PTPRN2: variants seen among roughly 807,000 people sequenced by gnomAD.
The protein encoded by PTPRN2 is receptor-type tyrosine-protein phosphatase N2.
In PTPRN2, 74 loss-of-function variants were observed where a neutral mutation model predicts 118.8. That is an observed-to-expected ratio of 0.62 (90% CI 0.52 to 0.76). The LOEUF (loss-of-function observed/expected upper bound fraction) is 0.76, where lower values mean the gene tolerates loss of function less well. Ranked by LOEUF, PTPRN2 falls within the 30% of genes least tolerant of loss-of-function variation. The pLI is 0.00. For missense variants in PTPRN2, 1,481 were observed against 1,394.4 expected, an observed-to-expected ratio of 1.06 and a Z score of -0.99; for synonymous variants, 641 against 608.0, an observed-to-expected ratio of 1.05 and a Z score of -0.80.
At chr7:158,377,821 G>A (rs866187162) in intron 2 of PTPRN2, among the ~76,000 whole-genome samples, 8 of 152,124 alleles carry the variant, frequency 5.3e-5, no homozygotes, top group East Asian at 1.9e-4. Context: ...GGCCCTGCAC[G>A]GAGGGTGCTC....
intron 3 of PTPRN2, among the ~76,000 whole-genome samples, chr7:158,267,407 G>A (rs995101266): frequency 2.0e-5 from 3 of 152,200 alleles, no homozygotes; most frequent in African/African-American, 4.8e-5. Flanking sequence ...CTGGAAGCCA[G>A]GGAGCATGTT....
intron 2 of PTPRN2, among the ~76,000 whole-genome samples, chr7:158,357,323 C>T (rs1485533729): frequency 2.0e-5 from 3 of 152,234 alleles, no homozygotes; most frequent in African/African-American, 4.8e-5. Flanking sequence ...AAGGCGAGGG[C>T]CAGGCTGTCG....
At chr7:158,245,997 A>G (rs1796223938) in intron 3 of PTPRN2, among the ~76,000 whole-genome samples, 1 of 152,024 alleles carries the variant, frequency 6.6e-6, no homozygotes, top group Non-Finnish European at 1.5e-5. Context: ...GGTTGGCAGC[A>G]GCGAGACCGT....
In PTPRN2 at chr7:157,990,424, C is replaced by T. The variant is rs150306999; in HGVS notation, c.1723+90874G>A. Among the ~76,000 whole-genome samples the T allele has an allele frequency of 2.6e-5, 4 of 152,164 alleles. No homozygotes were observed. Among genetic ancestry groups the T allele is most frequent in the African/African-American group, 9.7e-5 (4 of 41,426 alleles). On this transcript the variant is annotated intron_variant, in intron 11 of 22. Transcript: ENST00000389418. This position sits in a 1 kb window ranked among gnomAD's most constrained non-coding sequence, Gnocchi z 4.3. ...GTGGCCTCCAGGGGCTCCAAGTCCT[C>T]TGGGATCCAGGTTCTCCTTCCTTCA...
chr7:158,008,043 GTGTGTGGAGGTGTGC>G (rs1805772878), intron 11 of PTPRN2, among the ~76,000 whole-genome samples: 2 of 147,236 alleles, frequency 1.4e-5, no homozygotes, highest in African/African-American at 2.5e-5. Context: ...GGGTGTGGGT[GTGTGTGGAGGTGTGC>G]TGTGTGTGGG....
intron 5 of PTPRN2, among the ~76,000 whole-genome samples, chr7:158,183,559 C>A (rs1413405871): frequency 6.6e-6 from 1 of 152,228 alleles, no homozygotes; most frequent in Non-Finnish European, 1.5e-5. Context: ...CCCTGTGAGG[C>A]AGAATGGCTT....
intron 12 of PTPRN2, among the ~76,000 whole-genome samples, chr7:157,710,740 C>T (rs1054280674): frequency 1.3e-5 from 2 of 150,848 alleles, no homozygotes; most frequent in Non-Finnish European, 3.0e-5. Flanking sequence ...GGTGCCCTTG[C>T]GCCTGGCCCT....
chr7:157,553,657 C>G (rs1439259125), intron 21 of PTPRN2, among the ~76,000 whole-genome samples: 2 of 152,196 alleles, frequency 1.3e-5, no homozygotes, highest in Non-Finnish European at 2.9e-5. Flanking sequence ...GGGAGCGTGC[C>G]TCCGAGTCGC....
At chr7:157,651,788 C>T (rs867015246) in intron 14 of PTPRN2, among the ~76,000 whole-genome samples, 3 of 152,256 alleles carry the variant, frequency 2.0e-5, no homozygotes, top group Admixed American at 6.5e-5. Flanking sequence ...GCCTTCATCA[C>T]GTCCTTGCTT....
intron 22 of PTPRN2, 39 bp from the exon 23 acceptor site, chr7:157,540,824 G>C: frequency 1.3e-6 from 2 of 1,494,302 alleles, no homozygotes. Context: ...AATGAGAGCG[G>C]CGTCCCCCCG....
At chr7:158,329,510 G>A (rs1203996502) in intron 2 of PTPRN2, among the ~76,000 whole-genome samples, 1 of 152,146 alleles carries the variant, frequency 6.6e-6, no homozygotes, top group East Asian at 1.9e-4. Flanking sequence ...TCACGCTCCA[G>A]CCACATGAGG....
intron 12 of PTPRN2, among the ~76,000 whole-genome samples, chr7:157,770,500 G>A (rs1802737000): frequency 1.3e-5 from 2 of 152,172 alleles, no homozygotes; most frequent in African/African-American, 4.8e-5. Flanking sequence ...AATTATGAAT[G>A]CGTGAAGCTA....
At chr7:158,149,377 A>G (rs1016276175) in intron 6 of PTPRN2, among the ~76,000 whole-genome samples, 3 of 152,048 alleles carry the variant, frequency 2.0e-5, no homozygotes, top group Admixed American at 1.3e-4. Flanking sequence ...AAATCTAACC[A>G]GTGTCTTTTC....
chr7:158,124,397 C>T (rs934620312), intron 9 of PTPRN2, among the ~76,000 whole-genome samples: 1 of 152,214 alleles, frequency 6.6e-6, no homozygotes, highest in Non-Finnish European at 1.5e-5. Context: ...GCACTACTGC[C>T]CCTTTCTGGA....
intron 2 of PTPRN2, among the ~76,000 whole-genome samples, chr7:158,368,633 GGACGTCCAAGGA>G (rs1809715077): frequency 6.6e-6 from 1 of 152,150 alleles, no homozygotes; most frequent in South Asian, 2.1e-4. Flanking sequence ...TGCTGCACAG[GGACGTCCAAGGA>G]CCAAGGCACA....
rs569846773 is a variant in PTPRN2 at position 158,460,579 on chromosome 7, C to A, written c.163+29156G>T. Among the ~76,000 whole-genome samples the A allele has an allele frequency of 4.6e-5, 7 of 152,164 alleles. No individual in the cohort carries two copies. The South Asian group carries it at 1.5e-3, about 32-fold the overall frequency. The stretch of plus-strand genomic sequence containing the variant: ...AGGGTCATCCAGCTCCAGGATGGGA[C>A]TCTATCTACATGTTCCTGCTACGGG... On this transcript the variant is annotated intron_variant, in intron 2 of 22. Transcript: ENST00000389418.
intron 11 of PTPRN2, among the ~76,000 whole-genome samples, chr7:157,943,706 G>A (rs1210678397): frequency 6.6e-6 from 1 of 151,292 alleles, no homozygotes; most frequent in Non-Finnish European, 1.5e-5. Flanking sequence ...CAGAGGCCAA[G>A]CGCTCCCTAC....
chr7:157,601,207 G>A (rs1028041497), intron 16 of PTPRN2, among the ~76,000 whole-genome samples: 2 of 152,150 alleles, frequency 1.3e-5, no homozygotes, highest in African/African-American at 2.4e-5. Flanking sequence ...TGATTTAAAA[G>A]CAAAGATTGC....
intron 2 of PTPRN2, among the ~76,000 whole-genome samples, chr7:158,348,289 G>A (rs1195885869): frequency 6.9e-6 from 1 of 145,022 alleles, no homozygotes; most frequent in Non-Finnish European, 1.5e-5. Flanking sequence ...CAGCCCCAGA[G>A]CCACCCTGGG....
Sources: gnomAD v4.1 joint callset for allele counts (sites outside exome capture counted in the v4.1 genomes callset) on GRCh38, gnomAD v4.1.1 for gene constraint, Gnocchi (gnomAD v3.1) non-coding constraint, MANE v1.5 for transcripts, NCBI Gene and HGNC (gene_info 2026-07-23, HGNC 2026-07-21) for gene names.